The following DYM variants were observed in gnomAD, a reference collection of about 807,000 sequenced individuals.
The protein encoded by DYM is dyggve-Melchior-Clausen syndrome protein.
Under a neutral mutation model 93.1 loss-of-function variants are expected in DYM, and 78 were observed. The ratio of observed to expected loss-of-function variants is 0.84; its 90% CI spans 0.70 to 1.01. The LOEUF (loss-of-function observed/expected upper bound fraction) is 1.01. Ranked by LOEUF, DYM falls within the 50% of genes least tolerant of loss-of-function variation. The pLI, the probability that DYM is intolerant of heterozygous loss-of-function variation, is 0.00. For missense variants in DYM, 789 were observed against 845.0 expected, an observed-to-expected ratio of 0.93 and a Z score of 0.82; for synonymous variants, 321 against 319.7, an observed-to-expected ratio of 1.00 and a Z score of -0.04.
At chr18:49,287,460 T>C (rs1465574569) in intron 8 of DYM, among the ~76,000 whole-genome samples, 1 of 151,674 alleles carries the variant, frequency 6.6e-6, no homozygotes, top group Non-Finnish European at 1.5e-5. Context: ...AGTATTCCCA[T>C]TAATATCATC....
intron 16 of DYM, among the ~76,000 whole-genome samples, chr18:49,110,274 A>T (rs756875637): frequency 6.6e-6 from 1 of 152,224 alleles, no homozygotes; most frequent in South Asian, 2.1e-4. Flanking sequence ...TCAACATAAG[A>T]AAAAGCTTTT....
intron 6 of DYM, among the ~76,000 whole-genome samples, chr18:49,360,586 C>T (rs552657122): frequency 5.9e-5 from 9 of 151,668 alleles, no homozygotes; most frequent in African/African-American, 2.2e-4. Context: ...CACGCCACTG[C>T]ACTCTAGCCT....
At chr18:49,328,882 T>A (rs1374957627) in intron 8 of DYM, among the ~76,000 whole-genome samples, 2 of 152,182 alleles carry the variant, frequency 1.3e-5, no homozygotes, top group Admixed American at 1.3e-4. Context: ...TGGCGATTCC[T>A]CAGGGTTCTA....
rs143466750 is a variant in DYM, at chr18:49,341,170, G to T, written c.495-7317C>A. On this transcript the variant is annotated intron_variant, in intron 6 of 17. Transcript: ENST00000675505. ...AAATAGAAAGTAAAAAATTCCAAAT[G>T]AATTCACAGATAAATTATACTATGA... Among the ~76,000 whole-genome samples the T allele has an allele frequency of 4.4e-3, 670 of 152,234 alleles. 2 individuals carry two copies. The highest frequency in any genetic ancestry group is 8.0e-3 in the Non-Finnish European group (547 of 68,008).
At chr18:49,336,719 G>C (rs751658618) in intron 6 of DYM, among the ~76,000 whole-genome samples, 6 of 152,024 alleles carry the variant, frequency 3.9e-5, no homozygotes, top group Admixed American at 3.9e-4. Context: ...TCAACAAATA[G>C]ACAAGGCTCC....
Position 49,430,413 on chromosome 18 carries a change from A to G in DYM, c.-19T>C, listed in dbSNP as rs2148460258. On this transcript the variant is annotated 5_prime_UTR_variant, in exon 2 of 18. Transcript: ENST00000675505. ...ATCCCATCTTCTAGCTTAAGCAGAT[A>G]ATTTGTCCTTAAACCTGCATTTCCA... 6.2e-7 allele frequency: 1 copy of G among 1,612,678 alleles called. No individual in the cohort carries two copies. The highest frequency in any genetic ancestry group is 8.5e-7 in the Non-Finnish European group (1 of 1,179,948).
intron 1 of DYM, among the ~76,000 whole-genome samples, chr18:49,445,896 A>G (rs995811190): frequency 6.6e-6 from 1 of 152,190 alleles, no homozygotes; most frequent in Non-Finnish European, 1.5e-5. Flanking sequence ...ACTCACCAGC[A>G]GTGAACAATA....
chr18:49,205,712 A>C (rs1039613052), intron 14 of DYM, among the ~76,000 whole-genome samples: 1 of 152,196 alleles, frequency 6.6e-6, no homozygotes, highest in African/African-American at 2.4e-5. Context: ...TGTTTTCAAA[A>C]ACCCAAGGGG....
intron 15 of DYM, among the ~76,000 whole-genome samples, chr18:49,141,791 C>T (rs146139033): frequency 1.4e-4 from 21 of 152,182 alleles, no homozygotes; most frequent in African/African-American, 4.8e-4. Flanking sequence ...TCCATGACTG[C>T]CTATTCATCG....
At chr18:49,421,278 A>T (rs1254398481) in intron 2 of DYM, among the ~76,000 whole-genome samples, 2 of 152,116 alleles carry the variant, frequency 1.3e-5, no homozygotes, top group African/African-American at 4.8e-5. Context: ...TCATACGGCC[A>T]GGTGCCCCTC....
At position 49,209,707 on chromosome 18, in the gene DYM, C is replaced by G. The variant is rs890166412; in HGVS notation, c.1469G>C (p.Cys490Ser). 7.8e-7 allele frequency: 1 copy of G among 1,274,356 alleles called. No homozygotes were observed. Among genetic ancestry groups the G allele is most frequent in the African/African-American group, 1.5e-5 (1 of 65,422 alleles). 78.9% of individuals were successfully genotyped at this position (1,274,356 alleles called of 1,614,324 possible). The change falls in exon 14 of 18, where the codon TGC (cysteine) becomes TCC (serine). Residue 490 changes from cysteine (C) to serine (S), a missense_variant. Coordinates refer to ENST00000675505, the MANE Select transcript of DYM (RefSeq NM_001353214.3). ...ATAAACATATCTCCGCAAGTGGCGG[C>G]AGGTATAACTGAAAGACAAAGGTAA... ...YAAQRIISYT[C>S]RHLRRYVYVL...
At chr18:49,305,131 C>T (rs1176566738) in intron 8 of DYM, among the ~76,000 whole-genome samples, 1 of 152,122 alleles carries the variant, frequency 6.6e-6, no homozygotes, top group Non-Finnish European at 1.5e-5. Context: ...TCCCTCCTCA[C>T]CCAACTAGGA....
intron 16 of DYM, among the ~76,000 whole-genome samples, chr18:49,105,522 C>A (rs1469472814): frequency 1.3e-5 from 2 of 152,160 alleles, no homozygotes; most frequent in African/African-American, 2.4e-5. Flanking sequence ...TTAGATCTGT[C>A]CTGCTTTCTC....
chr18:49,191,077 G>C (rs1371956111), intron 14 of DYM, among the ~76,000 whole-genome samples: 1 of 148,868 alleles, frequency 6.7e-6, no homozygotes, highest in East Asian at 2.0e-4. Context: ...TGTGCTGGGG[G>C]GAGTGCAGGG....
chr18:49,209,244 C>T (rs1411126630), intron 14 of DYM, among the ~76,000 whole-genome samples: 1 of 152,124 alleles, frequency 6.6e-6, no homozygotes, highest in Non-Finnish European at 1.5e-5. Context: ...AACATCAGAG[C>T]ACTCCAACTA....
At chr18:49,209,842 ACTGTCAG>A in intron 13 of DYM, 127 bp from the exon 14 acceptor site, 1 of 521,116 alleles carries the variant, frequency 1.9e-6, no homozygotes, top group Non-Finnish European at 2.7e-6. Flanking sequence ...AAAAAAAAAA[ACTGTCAG>A]AATAAAAAGT....
At chr18:49,288,838 T>G (rs995181333) in intron 8 of DYM, among the ~76,000 whole-genome samples, 1 of 151,946 alleles carries the variant, frequency 6.6e-6, no homozygotes, top group Non-Finnish European at 1.5e-5. Flanking sequence ...TAAGTAAATC[T>G]AAAATTCAGT....
At chr18:49,403,002 G>A (rs1372954917) in intron 2 of DYM, among the ~76,000 whole-genome samples, 1 of 152,168 alleles carries the variant, frequency 6.6e-6, no homozygotes, top group East Asian at 1.9e-4. Flanking sequence ...TCATAGGACA[G>A]CTATGAAGAT....
At chr18:49,129,811 C>T (rs927597224) in intron 15 of DYM, among the ~76,000 whole-genome samples, 1 of 152,024 alleles carries the variant, frequency 6.6e-6, no homozygotes, top group Non-Finnish European at 1.5e-5. Flanking sequence ...AAGAAAAAGC[C>T]GTAAGCTACA....
Sources: allele counts gnomAD v4.1 joint callset (sites outside exome capture counted in the v4.1 genomes callset), GRCh38; gene constraint gnomAD v4.1.1; transcripts MANE v1.5; gene names NCBI Gene and HGNC (gene_info 2026-07-23, HGNC 2026-07-21).